The following SCN2A variants were observed in gnomAD, a reference collection of about 807,000 sequenced individuals.
SCN2A encodes the protein sodium voltage-gated channel alpha subunit 2.
Under a neutral mutation model 188.7 loss-of-function variants are expected in SCN2A, and 20 were observed. That is an observed-to-expected ratio of 0.11 (90% CI 0.07 to 0.15). The LOEUF is 0.15. SCN2A is among the 10% of genes least tolerant of loss of function. The probability of loss-of-function intolerance (pLI) is 1.00; values close to 1 mark genes in which losing one functional copy is unlikely to be tolerated. For synonymous variants in SCN2A, 804 were observed against 833.1 expected, an observed-to-expected ratio of 0.97 and a Z score of 0.60; for missense variants, 1,278 against 2,445.0, an observed-to-expected ratio of 0.52 and a Z score of 10.07.
At chr2:165,327,995 G>A (rs1003015489) in intron 13 of SCN2A, 3 of 152,152 alleles carry the variant, frequency 2.0e-5, no homozygotes, top group African/African-American at 7.2e-5. Flanking sequence ...GTGTGAGTGT[G>A]TGTAGATGTG....
At chr2:165,279,410 T>A (rs1695486161) in intron 1 of SCN2A, among the ~76,000 whole-genome samples, 1 of 152,108 alleles carries the variant, frequency 6.6e-6, no homozygotes, top group Non-Finnish European at 1.5e-5. Flanking sequence ...TAATCTTTGG[T>A]TGAACATCAT....
intron 13 of SCN2A, among the ~76,000 whole-genome samples, chr2:165,329,428 C>T (rs1169172627): frequency 6.6e-6 from 1 of 152,130 alleles, no homozygotes; most frequent in African/African-American, 2.4e-5. Context: ...GGAGATGTGG[C>T]TGCAGTTCTC....
intron 14 of SCN2A, among the ~76,000 whole-genome samples, chr2:165,340,724 T>C (rs1450592745): frequency 6.6e-6 from 1 of 152,120 alleles, no homozygotes; most frequent in Admixed American, 6.6e-5. Flanking sequence ...AAATGATTTG[T>C]TAGAGGAAGA....
intron 19 of SCN2A, among the ~76,000 whole-genome samples, chr2:165,369,367 T>C (rs1017774659): frequency 6.6e-6 from 1 of 152,312 alleles, no homozygotes; most frequent in Middle Eastern, 3.4e-3. Flanking sequence ...GCACAGTGGC[T>C]GGCTCCTCAG....
At chr2:165,263,627 T>C (rs1458531759) in intron 1 of SCN2A, among the ~76,000 whole-genome samples, 1 of 152,188 alleles carries the variant, frequency 6.6e-6, no homozygotes, top group African/African-American at 2.4e-5. Context: ...TATAGCCCTA[T>C]AGTTTGAATT....
At chr2:165,384,716 C>T (rs1210202829) in intron 25 of SCN2A, among the ~76,000 whole-genome samples, 3 of 152,090 alleles carry the variant, frequency 2.0e-5, no homozygotes, top group Non-Finnish European at 4.4e-5. Flanking sequence ...CAATGCCATA[C>T]ATTTTATGAT....
chr2:165,323,269 T>A lies in SCN2A; in HGVS notation c.1785T>A (p.Asp595Glu), dbSNP rs141815642. ...TTGGCTCTGAGAATGACTTTGCTGA[T>A]GATGAGCACAGCACCTTTGAGGACA... ...KDIGSENDFA[D>E]DEHSTFEDND... The change falls in exon 12 of 27, where the codon GAT (aspartate) becomes GAA (glutamate). Residue 595 changes from aspartate (D) to glutamate (E), a missense_variant. By Grantham distance (45) the Asp-to-Glu change is conservative. This residue lies in a region of SCN2A where 315 missense variants were observed against 386.6 expected (regional missense o/e 0.81). Coordinates refer to ENST00000375437, the MANE Select transcript of SCN2A (RefSeq NM_001040142.2). 1 of 1,614,178 alleles carries A rather than the reference T, an allele frequency of 6.2e-7. No homozygotes were observed. Among genetic ancestry groups the A allele is most frequent in the Non-Finnish European group, 8.5e-7 (1 of 1,180,034 alleles).
chr2:165,360,618 T>C (rs1700412223), intron 17 of SCN2A, among the ~76,000 whole-genome samples: 1 of 151,962 alleles, frequency 6.6e-6, no homozygotes, highest in Non-Finnish European at 1.5e-5. Context: ...GCATATAAAA[T>C]TGGCTATTCC....
rs1192940706 is a variant in SCN2A, at chr2:165,290,768, C to G, written c.-51-5005C>G. Reference sequence around the variant, plus strand: ...CGCTTGATTGCAGTAGGACAACTTACTATGGGGAAGGAATCTTGTAAGTAT... The same window carrying G: ...CGCTTGATTGCAGTAGGACAACTTAGTATGGGGAAGGAATCTTGTAAGTAT... On this transcript the variant is annotated intron_variant, in intron 1 of 26. Transcript: ENST00000375437. 3.0e-6 allele frequency: 3 copies of G among 984,980 alleles called. No homozygotes were observed. In the East Asian group the frequency reaches 3.4e-4, roughly 112 times the overall value. 61.0% of individuals were successfully genotyped at this position (984,980 alleles called of 1,614,324 possible).
At chr2:165,296,956 CTT>C (rs1696544477) in intron 2 of SCN2A, 59 bp from the exon 3 acceptor site, 3 of 892,146 alleles carry the variant, frequency 3.4e-6, no homozygotes, top group African/African-American at 1.7e-5. Flanking sequence ...TTACTTTTCT[CTT>C]AAAATATTCT....
At chr2:165,293,799 G>A (rs1169048721) in intron 1 of SCN2A, 1 of 979,532 alleles carries the variant, frequency 1.0e-6, no homozygotes. Context: ...AGAAAAGCCT[G>A]TGGAAGATCA....
chr2:165,361,221 T>G (rs1700445283), intron 17 of SCN2A, among the ~76,000 whole-genome samples: 1 of 151,974 alleles, frequency 6.6e-6, no homozygotes, highest in Non-Finnish European at 1.5e-5. Flanking sequence ...TAAAGAAAAC[T>G]TTTTGTTCAT....
intron 1 of SCN2A, among the ~76,000 whole-genome samples, chr2:165,291,490 CTTTT>C (rs1374151203): frequency 0.078 from 1,756 of 22,586 alleles, 127 homozygotes; most frequent in Non-Finnish European, 0.1. Context: ...TTCTTTCTTT[CTTTT>C]CTTTCTTTCT....
At chr2:165,309,099 T>A (rs1697292326) in intron 5 of SCN2A, 1 of 1,544,930 alleles carries the variant, frequency 6.5e-7, no homozygotes, top group Non-Finnish European at 8.9e-7. Context: ...TAAAAAGGTC[T>A]TGATGAAAGA....
At chr2:165,352,795 T>C (rs62174671) in intron 16 of SCN2A, among the ~76,000 whole-genome samples, 39,361 of 152,042 alleles carry the variant, frequency 0.26, 5,508 homozygotes, top group South Asian at 0.32. Context: ...TTCTCAAGAC[T>C]TGTCATTATG....
intron 14 of SCN2A, among the ~76,000 whole-genome samples, chr2:165,341,187 G>A (rs4667482): frequency 3.9e-5 from 6 of 152,010 alleles, no homozygotes; most frequent in Non-Finnish European, 7.4e-5. Context: ...TCCGACTCCC[G>A]GGTTCATGCC....
At chr2:165,275,349 C>T (rs570982239) in intron 1 of SCN2A, among the ~76,000 whole-genome samples, 2 of 152,152 alleles carry the variant, frequency 1.3e-5, no homozygotes, top group African/African-American at 4.8e-5. Context: ...TCCTCCCCAA[C>T]CCTGATTATT....
intron 19 of SCN2A, among the ~76,000 whole-genome samples, chr2:165,369,709 G>GT (rs1384289913): frequency 6.6e-6 from 1 of 152,060 alleles, no homozygotes; most frequent in African/African-American, 2.4e-5. Flanking sequence ...AGACAAGAAA[G>GT]TGAGCAATGA....
In SCN2A at chr2:165,240,649, G is replaced by A. The variant is rs556866815; in HGVS notation, c.-52+1009G>A. 4.1e-4 allele frequency among the ~76,000 whole-genome samples: 59 copies of A among 143,882 alleles called. No homozygotes were observed. The South Asian group carries it at 0.013, about 32-fold the overall frequency. The allele number at this position is 143,882 out of a possible 152,430, so 94.4% of individuals were successfully genotyped here. A position where few individuals can be genotyped will look rare whatever the true frequency, so the allele number is the denominator to read the frequency against. ...TTTAAATGCCTCACTTCTTTCTCCT[G>A]TGGAAAGAGCTGTGTGTGTGTGTGT... On this transcript the variant is annotated intron_variant, in intron 1 of 26. Coordinates refer to ENST00000375437, the MANE Select transcript of SCN2A (RefSeq NM_001040142.2).
Sources: gnomAD v4.1 joint callset for allele counts (sites outside exome capture counted in the v4.1 genomes callset) on GRCh38, gnomAD v4.1.1 for gene constraint, gnomAD v4.1.1 regional missense constraint, MANE v1.5 for transcripts, NCBI Gene and HGNC (gene_info 2026-07-23, HGNC 2026-07-21) for gene names.